ZNF334: variants seen among roughly 807,000 people sequenced by gnomAD.
ZNF334 encodes the protein zinc finger protein 334.
Under a neutral mutation model 12.4 loss-of-function variants are expected in ZNF334, and 14 were observed. The observed-to-expected ratio is 1.13, with a 90% CI of 0.74 to 1.76. The LOEUF (loss-of-function observed/expected upper bound fraction) is 1.76. ZNF334 is among the 40% of genes most tolerant of loss of function. The pLI is 0.00. For missense variants in ZNF334, 797 were observed against 804.5 expected, an observed-to-expected ratio of 0.99 and a Z score of 0.11; for synonymous variants, 273 against 269.6, an observed-to-expected ratio of 1.01 and a Z score of -0.12.
At chr20:46,492,051 G>A in the ZNF334 span, 2 of 152,046 alleles carry the variant, frequency 1.3e-5, no homozygotes, top group African/African-American at 2.4e-5. Flanking sequence ...CGACATCAGA[G>A]AACTCACAAT....
At chr20:46,463,322 C>T in the ZNF334 span, among the ~76,000 whole-genome samples, 2 of 152,164 alleles carry the variant, frequency 1.3e-5, no homozygotes, top group Non-Finnish European at 2.9e-5. Flanking sequence ...TTCTGGTTAC[C>T]CAGTAGTATT....
At chr20:46,488,419 T>TTATTTATTTATATA in the ZNF334 span, among the ~76,000 whole-genome samples, 1 of 102,242 alleles carries the variant, frequency 9.8e-6, no homozygotes, top group Non-Finnish European at 2.0e-5. Flanking sequence ...AGCTCTTATT[T>TTATTTATTTATATA]TATATATATA....
the ZNF334 span, chr20:46,464,632 G>C: frequency 4.7e-6 from 2 of 423,130 alleles, no homozygotes; most frequent in East Asian, 1.1e-4. Context: ...ACTCTCTGTG[G>C]AGATACACAC....
chr20:46,506,205 G>T, intron 2 of ZNF334: 1 of 419,986 alleles, frequency 2.4e-6, no homozygotes, highest in South Asian at 7.4e-5. Flanking sequence ...ATACCACAGT[G>T]ATCAGAAGCA....
chr20:46,486,543 C>T, the ZNF334 span, among the ~76,000 whole-genome samples: 30 of 152,274 alleles, frequency 2.0e-4, no homozygotes, highest in African/African-American at 5.8e-4. Context: ...GAAATCTTTA[C>T]TTGTTATATC....
downstream of ZNF334, among the ~76,000 whole-genome samples, chr20:46,496,479 A>G (rs2061027216): frequency 6.6e-6 from 1 of 152,216 alleles, no homozygotes; most frequent in Non-Finnish European, 1.5e-5. Flanking sequence ...TGGGAAACCA[A>G]CAAGGGATTT....
At position 46,501,856 on chromosome 20, in the gene ZNF334, C is replaced by G; in HGVS notation, c.1483G>C (p.Gly495Arg). 1 of 1,614,054 alleles carries G rather than the reference C, an allele frequency of 6.2e-7. No homozygotes were observed. Among genetic ancestry groups the G allele is most frequent in the Non-Finnish European group, 8.5e-7 (1 of 1,179,992 alleles). Residue 495 changes from glycine (G) to arginine (R), a missense_variant, in exon 5 of 5, where the codon GGT becomes CGT. Coordinates refer to ENST00000692313, the MANE Select transcript of ZNF334 (RefSeq NM_001353824.2). ...TTTGACTTCACAATGGAGATTCTAC[C>G]ACATTTATTAAACACACCATGTTTC... The part of the protein sequence containing the change: ...GEKHGVFNKC[G>R]RISIVKSNCS...
the ZNF334 span, chr20:46,491,445 A>T: frequency 6.5e-6 from 1 of 152,952 alleles, no homozygotes; most frequent in Non-Finnish European, 1.5e-5. Flanking sequence ...CCGTACTCCA[A>T]ATTTATTCTA....
chr20:46,496,549 G>C (rs1246270067), downstream of ZNF334, among the ~76,000 whole-genome samples: 3 of 152,168 alleles, frequency 2.0e-5, no homozygotes, highest in Non-Finnish European at 2.9e-5. Flanking sequence ...TGTCACTTTG[G>C]CTTAGCTGAT....
At chr20:46,506,847 C>G (rs931520909) in intron 2 of ZNF334, among the ~76,000 whole-genome samples, 2 of 152,094 alleles carry the variant, frequency 1.3e-5, no homozygotes, top group African/African-American at 4.8e-5. Flanking sequence ...CGTGGTGCCT[C>G]ATGCCTGTAA....
chr20:46,509,846 T>G (rs2061579198), intron 2 of ZNF334: 1 of 597,894 alleles, frequency 1.7e-6, no homozygotes, highest in African/African-American at 1.9e-5. Context: ...CCAATATAGC[T>G]CCTAAGAAAG....
chr20:46,495,091 CAGAT>C (rs751911447), downstream of ZNF334, among the ~76,000 whole-genome samples: 2 of 152,002 alleles, frequency 1.3e-5, no homozygotes, highest in Admixed American at 6.6e-5. Context: ...GCAAAAATAA[CAGAT>C]GGAGAGAGAA....
At chr20:46,466,254 T>C in the ZNF334 span, among the ~76,000 whole-genome samples, 1 of 152,170 alleles carries the variant, frequency 6.6e-6, no homozygotes, top group Non-Finnish European at 1.5e-5. Context: ...ATCTTGCTTT[T>C]AGATAAAAAC....
intron 2 of ZNF334, among the ~76,000 whole-genome samples, chr20:46,510,046 A>G (rs1406466022): frequency 6.6e-6 from 1 of 152,204 alleles, no homozygotes; most frequent in Admixed American, 6.5e-5. Context: ...TGATCAATAT[A>G]CAGTTGTTGA....
At chr20:46,505,664 C>T (rs918301121) in intron 2 of ZNF334, 2 of 153,738 alleles carry the variant, frequency 1.3e-5, no homozygotes, top group Non-Finnish European at 2.9e-5. Flanking sequence ...AAAATCTAGG[C>T]CACTGGGAGC....
the ZNF334 span, among the ~76,000 whole-genome samples, chr20:46,486,887 A>G: frequency 6.6e-6 from 1 of 152,142 alleles, no homozygotes; most frequent in South Asian, 2.1e-4. Flanking sequence ...TAATAGTAAG[A>G]TGAAGCTCAC....
chr20:46,473,725 C>G, the ZNF334 span, among the ~76,000 whole-genome samples: 1 of 152,204 alleles, frequency 6.6e-6, no homozygotes, highest in East Asian at 1.9e-4. Context: ...AATCCTGCTC[C>G]CTCATGGAGT....
the ZNF334 span, among the ~76,000 whole-genome samples, chr20:46,472,736 T>C: frequency 6.6e-6 from 1 of 152,188 alleles, no homozygotes; most frequent in Non-Finnish European, 1.5e-5. Context: ...CTGGGTCATG[T>C]GGGGGCCACC....
chr20:46,499,139 A>C (rs974231886), downstream of ZNF334, among the ~76,000 whole-genome samples: 79 of 128,940 alleles, frequency 6.1e-4, no homozygotes, highest in East Asian at 0.018. Flanking sequence ...CTGCCACTGC[A>C]CTCCAGCCTG....
Sources: gnomAD v4.1 joint callset for allele counts (sites outside exome capture counted in the v4.1 genomes callset) on GRCh38, gnomAD v4.1.1 for gene constraint, MANE v1.5 for transcripts, NCBI Gene and HGNC (gene_info 2026-07-23, HGNC 2026-07-21) for gene names.